Variants in TWF2 observed in about 807,000 individuals in gnomAD.
TWF2 encodes twinfilin actin binding protein 2.
A neutral mutation model predicts 45.1 loss-of-function variants in TWF2; 15 were observed. That is an observed-to-expected ratio of 0.33 (90% confidence interval 0.22 to 0.51). TWF2 has a LOEUF of 0.51. Among genes scored for constraint, TWF2 ranks in the 20% least tolerant of loss-of-function variants. TWF2 has a pLI of 0.97. For missense variants in TWF2, 423 were observed against 469.1 expected (o/e 0.90, Z 0.91); for synonymous variants, 177 against 195.8 (o/e 0.90, Z 0.80).
At chr3:52,236,463 C>T (rs556240060) in intron 1 of TWF2, among the ~76,000 whole-genome samples, 2 of 152,120 alleles carry the variant, frequency 1.3e-5, no homozygotes, top group African/African-American at 4.8e-5. Flanking sequence ...GAAACCACCA[C>T]GGCCCATGTG....
chr3:52,232,107 C>T lies in TWF2; in HGVS notation c.119G>A (p.Gly40Asp). The T allele has an allele frequency of 6.3e-7, 1 of 1,598,274 alleles. No individual in the cohort carries two copies. Among genetic ancestry groups the T allele is most frequent in the Non-Finnish European group, 8.5e-7 (1 of 1,172,580 alleles). ...VVIEDEQLVLGASQEPVGRWD... is the reference protein window; with the variant it reads ...VVIEDEQLVLDASQEPVGRWD... ...GCGGCCTACTGGCTCCTGCGAGGCA[C>T]CCAGCACGAGCTGCTCTGGGGGCAG... The change falls in exon 3 of 9, where the codon GGT becomes GAT. Residue 40 changes from glycine (G) to aspartate (D), a missense_variant. Gly to Asp is a moderately conservative substitution (Grantham distance 94). Transcript: ENST00000305533.
Position 52,232,014 on chromosome 3 carries a change from T to C in TWF2, c.212A>G (p.Tyr71Cys). 1.9e-6 allele frequency: 3 copies of C among 1,614,024 alleles called. No individual in the cohort carries two copies. Among genetic ancestry groups the C allele is most frequent in the Non-Finnish European group, 2.5e-6 (3 of 1,179,968 alleles). Residue 71 changes from tyrosine (Y) to cysteine (C), a missense_variant, in exon 3 of 9, where the codon TAC becomes TGC. By Grantham distance (194) the Tyr-to-Cys change is radical (BLOSUM62 -2). Transcript: ENST00000305533. Reference protein sequence around the residue: ...LDAQQPCYLLYRLDSQNAQGF... With the variant: ...LDAQQPCYLLCRLDSQNAQGF... ...CTGAGCATTCTGTGAGTCGAGGCGG[T>C]AGAGCAGGTAGCAGGGCTGCTGGGC...
At chr3:52,231,385 C>A in intron 4 of TWF2, 59 bp downstream of exon 4, 1 of 1,596,274 alleles carries the variant, frequency 6.3e-7, no homozygotes, top group Non-Finnish European at 8.6e-7. Context: ...TGACCCTGCA[C>A]AGTGACCCCT....
In TWF2 at chr3:52,239,112, G is replaced by C; in HGVS notation, c.-96C>G. The C allele has an allele frequency of 2.8e-6, 4 of 1,450,380 alleles. No homozygotes were observed. Among genetic ancestry groups the C allele is most frequent in the Non-Finnish European group, 3.7e-6 (4 of 1,094,428 alleles). 89.8% of individuals were successfully genotyped at this position (1,450,380 alleles called of 1,614,324 possible). On this transcript the variant is annotated 5_prime_UTR_variant, in exon 1 of 9. Transcript: ENST00000305533. The stretch of plus-strand genomic sequence containing the variant: ...ACCAAGAGAGGTGGAGGATGTGGCG[G>C]AGGCTGTCGACCCTCGCGCAGCTTC...
chr3:52,234,919 T>G, intron 2 of TWF2, 110 bp downstream of exon 2: 2 of 1,228,790 alleles, frequency 1.6e-6, no homozygotes, highest in Non-Finnish European at 2.3e-6. Flanking sequence ...ATTTCCAGAG[T>G]GGGAAATTGA....
chr3:52,237,984 T>A (rs1699742969), intron 1 of TWF2, among the ~76,000 whole-genome samples: 1 of 152,288 alleles, frequency 6.6e-6, no homozygotes, highest in Middle Eastern at 3.4e-3. Flanking sequence ...CTCAGGCCAG[T>A]GACAGAGGAG....
chr3:52,238,129 G>T (rs1028927360), intron 1 of TWF2, among the ~76,000 whole-genome samples: 3 of 152,200 alleles, frequency 2.0e-5, no homozygotes, highest in Non-Finnish European at 4.4e-5. Context: ...TCCTAGGGCT[G>T]GGGGCTGGGG....
At chr3:52,238,855 G>T in intron 1 of TWF2, 137 bp downstream of exon 1, 1 of 1,268,240 alleles carries the variant, frequency 7.9e-7, no homozygotes, top group Admixed American at 2.5e-5. Flanking sequence ...GCCCACCCCA[G>T]GCGACCCGCG....
At chr3:52,238,217 G>A (rs559035247) in intron 1 of TWF2, among the ~76,000 whole-genome samples, 1 of 152,332 alleles carries the variant, frequency 6.6e-6, no homozygotes, top group East Asian at 1.9e-4. Context: ...TCTGTCTGCA[G>A]CCTGGAGCTG....
At chr3:52,234,386 C>G (rs1699706481) in intron 2 of TWF2, among the ~76,000 whole-genome samples, 1 of 152,206 alleles carries the variant, frequency 6.6e-6, no homozygotes. Flanking sequence ...CAATCCTCCT[C>G]AGTTTAATCC....
At chr3:52,231,690 C>A in intron 3 of TWF2, 151 bp from the exon 4 acceptor site, 1 of 1,019,474 alleles carries the variant, frequency 9.8e-7, no homozygotes, top group East Asian at 2.6e-5. Flanking sequence ...AGGTGGCCCC[C>A]ACCAGCAGGG....
intron 6 of TWF2, among the ~76,000 whole-genome samples, chr3:52,230,589 C>T (rs543079286): frequency 1.3e-4 from 19 of 151,940 alleles, no homozygotes; most frequent in Non-Finnish European, 2.8e-4. Flanking sequence ...GGGTGGAGGG[C>T]GGAATGGGGC....
intron 6 of TWF2, among the ~76,000 whole-genome samples, 157 bp from the exon 7 acceptor site, chr3:52,230,227 G>A (rs763301545): frequency 1.3e-5 from 2 of 152,224 alleles, no homozygotes; most frequent in African/African-American, 2.4e-5. Flanking sequence ...CTCTATGGGG[G>A]TCCCTCTGAA....
In TWF2 at chr3:52,229,066, G is replaced by A. The variant is rs747995759; in HGVS notation, c.1018C>T (p.Arg340Cys). The change falls in exon 9 of 9, where the codon CGC becomes TGC. Residue 340 changes from arginine (R) to cysteine (C), a missense_variant. Physicochemically the swap from Arg to Cys is radical, Grantham distance 180 (BLOSUM62 -3). Transcript: ENST00000305533. ...TCATCCCCATTTTCACCCGGGCCGC[G>A]GATGAGGCGCTTATGGCCCCGCTTG... ...GGKRGHKRLI[R>C]GPGENGDDS is the part of the protein sequence containing the mutation. 15 of 1,612,606 alleles carry A rather than the reference G, an allele frequency of 9.3e-6. No individual in the cohort carries two copies. In the Admixed American group the frequency reaches 1.3e-4, roughly 14 times the overall value.
chr3:52,236,699 A>C (rs960152412), intron 1 of TWF2, among the ~76,000 whole-genome samples: 6 of 152,130 alleles, frequency 3.9e-5, no homozygotes, highest in Non-Finnish European at 8.8e-5. Flanking sequence ...CGTTAATCTG[A>C]GACCTCAGGC....
chr3:52,229,619 T>G, intron 8 of TWF2, 42 bp downstream of exon 8: 1 of 1,603,308 alleles, frequency 6.2e-7, no homozygotes, highest in African/African-American at 1.3e-5. Flanking sequence ...GAGATTGGAG[T>G]GATAGGGCCT....
Position 52,231,510 on chromosome 3 carries a change from C to T in TWF2, c.312G>A (p.Thr104=), listed in dbSNP as rs567300535. 4.7e-5 allele frequency: 76 copies of T among 1,613,658 alleles called. No individual in the cohort carries two copies. Among genetic ancestry groups the T allele is most frequent in the East Asian group, 2.0e-4 (9 of 44,898 alleles). ...CAAACTCCTTTTTCACTGTGGCCCG[C>T]GTGGCCGCGTACAGCATCTTCAGCC... ...PVRLKMLYAA[T]RATVKKEFGG... The change falls in exon 4 of 9, where the codon ACG becomes ACA. Residue 104 remains threonine (T), a synonymous_variant. Transcript: ENST00000305533.
Position 52,231,478 on chromosome 3 carries a change from C to G in TWF2, c.344G>C (p.Gly115Ala), listed in dbSNP as rs779470731. The G allele has an allele frequency of 1.9e-6, 3 of 1,614,038 alleles. No individual in the cohort carries two copies. In the Admixed American group the frequency reaches 5.0e-5, roughly 27 times the overall value. ...CCCGAAGAGCTCATCCTTGATGTGGCCACCTCCAAACTCCTTTTTCACTGT... is the reference window on the plus strand; with the variant it reads ...CCCGAAGAGCTCATCCTTGATGTGGGCACCTCCAAACTCCTTTTTCACTGT... ...RATVKKEFGG[G>A]HIKDELFGTV... Residue 115 changes from glycine (G) to alanine (A), a missense_variant, in exon 4 of 9, where the codon GGC (glycine) becomes GCC (alanine). Transcript: ENST00000305533.
Position 52,229,210 on chromosome 3 carries a change from G to C in TWF2, c.883-9C>G. 1 of 1,609,410 alleles carries C rather than the reference G, an allele frequency of 6.2e-7. No individual in the cohort carries two copies. Among genetic ancestry groups the C allele is most frequent in the Non-Finnish European group, 8.5e-7 (1 of 1,179,866 alleles). On this transcript the variant is annotated splice_polypyrimidine_tract_variant and intron_variant, in intron 8 of 8. Transcript: ENST00000305533. The stretch of plus-strand genomic sequence containing the variant: ...CCATCGCCAATCTCAATCTGCATGG[G>C]GCAAGGCAGTGGTCACCCCAATGGG...
Sources: allele counts gnomAD v4.1 joint callset (sites outside exome capture counted in the v4.1 genomes callset), GRCh38; gene constraint gnomAD v4.1.1; transcripts MANE v1.5; gene names NCBI Gene and HGNC (gene_info 2026-07-23, HGNC 2026-07-21).